SKAP2: variants seen among roughly 807,000 people sequenced by gnomAD.
The protein encoded by SKAP2 is src kinase associated phosphoprotein 2.
SKAP2 carries 28 observed loss-of-function variants against 54.9 expected under a neutral mutation model. The observed-to-expected ratio is 0.51, with a 90% confidence interval of 0.38 to 0.70. The LOEUF is 0.70. SKAP2 is among the 30% of genes least tolerant of loss of function. The pLI is 0.00. For synonymous variants in SKAP2, 137 were observed against 134.3 expected (o/e 1.02, Z -0.14); for missense variants, 356 against 424.1 (o/e 0.84, Z 1.41).
intron 11 of SKAP2, among the ~76,000 whole-genome samples, chr7:26,682,438 T>A (rs1242660615): frequency 1.3e-5 from 2 of 152,196 alleles, no homozygotes; most frequent in Non-Finnish European, 2.9e-5. Flanking sequence ...TTCTCCTTTT[T>A]ATCCTCACCA....
chr7:26,784,314 A>C (rs909291926), intron 4 of SKAP2, among the ~76,000 whole-genome samples: 3 of 152,174 alleles, frequency 2.0e-5, no homozygotes, highest in Non-Finnish European at 4.4e-5. Flanking sequence ...ACCTATTGTC[A>C]GTTAATTTGA....
chr7:26,799,114 A>ACAAGGCAAGG lies in SKAP2; in HGVS notation c.307+44906_307+44915dup, dbSNP rs111943470. Reference sequence around the variant, plus strand: ...GCAGGGCAAGGCAAGGCAAGGCAAGACAAGGCAAGGCAAGGCAAGGCAAGG... The same window carrying ACAAGGCAAGG: ...GCAGGGCAAGGCAAGGCAAGGCAAGACAAGGCAAGGCAAGGCAAGGCAAGGCAAGGCAAGG... On this transcript the variant is annotated intron_variant, in intron 4 of 12. Coordinates refer to ENST00000345317, the MANE Select transcript of SKAP2 (RefSeq NM_003930.5). Among the ~76,000 whole-genome samples the ACAAGGCAAGG allele has an allele frequency of 6.7e-5, 10 of 148,764 alleles. No homozygotes were observed. The East Asian group carries it at 7.9e-4, about 12-fold the overall frequency.
intron 4 of SKAP2, among the ~76,000 whole-genome samples, chr7:26,771,786 G>A (rs1379279296): frequency 6.6e-6 from 1 of 152,084 alleles, no homozygotes; most frequent in South Asian, 2.1e-4. Flanking sequence ...AAAATAAAAT[G>A]GTCAAAGTAA....
intron 4 of SKAP2, among the ~76,000 whole-genome samples, chr7:26,777,482 A>G (rs1783336475): frequency 6.6e-6 from 1 of 152,130 alleles, no homozygotes; most frequent in Non-Finnish European, 1.5e-5. Context: ...AGGATCCTCA[A>G]TTATTTAGTT....
intron 4 of SKAP2, among the ~76,000 whole-genome samples, chr7:26,816,645 G>C (rs149720266): frequency 4.7e-4 from 72 of 152,080 alleles, no homozygotes; most frequent in Admixed American, 1.4e-3. Flanking sequence ...TAATATATTA[G>C]TAATTACACT....
intron 4 of SKAP2, among the ~76,000 whole-genome samples, chr7:26,777,486 T>C (rs1420558518): frequency 4.6e-5 from 7 of 152,154 alleles, no homozygotes; most frequent in East Asian, 1.9e-4. Context: ...TCCTCAATTA[T>C]TTAGTTTTAA....
intron 5 of SKAP2, 65 bp downstream of exon 5, chr7:26,739,822 C>T: frequency 8.5e-7 from 1 of 1,169,942 alleles, no homozygotes; most frequent in African/African-American, 1.5e-5. Context: ...CACATGTATA[C>T]TACAAACATG....
At chr7:26,853,840 G>A (rs1022729791) in intron 3 of SKAP2, among the ~76,000 whole-genome samples, 3 of 152,088 alleles carry the variant, frequency 2.0e-5, no homozygotes, top group Admixed American at 6.6e-5. Context: ...GTAATTGCAC[G>A]TTTTTACCTT....
intron 1 of SKAP2, chr7:26,858,045 C>T (rs1785209465): frequency 6.6e-6 from 1 of 152,160 alleles, no homozygotes; most frequent in Admixed American, 6.5e-5. Context: ...GACCCTTAGC[C>T]CGGTTTTTAG....
intron 4 of SKAP2, among the ~76,000 whole-genome samples, chr7:26,825,571 G>T (rs1584412278): frequency 1.4e-5 from 1 of 71,104 alleles, no homozygotes. Flanking sequence ...TGGCCAAACA[G>T]CAAACAGTTA....
intron 9 of SKAP2, among the ~76,000 whole-genome samples, chr7:26,722,192 T>A (rs1476099173): frequency 6.6e-6 from 1 of 152,154 alleles, no homozygotes; most frequent in Non-Finnish European, 1.5e-5. Flanking sequence ...TATGTATAAA[T>A]CCCTTAAACA....
chr7:26,706,375 G>C (rs1367592287), intron 9 of SKAP2, among the ~76,000 whole-genome samples: 1 of 151,704 alleles, frequency 6.6e-6, no homozygotes, highest in Non-Finnish European at 1.5e-5. Flanking sequence ...TAATATCTAT[G>C]TTTTTTTTAT....
chr7:26,810,830 C>T (rs530085343), intron 4 of SKAP2, among the ~76,000 whole-genome samples: 68 of 152,146 alleles, frequency 4.5e-4, no homozygotes, highest in African/African-American at 3.6e-4. Context: ...TACAGGCACA[C>T]GCCACCATGC....
chr7:26,713,196 G>C (rs555887839), intron 9 of SKAP2, among the ~76,000 whole-genome samples: 5 of 152,124 alleles, frequency 3.3e-5, no homozygotes, highest in Non-Finnish European at 5.9e-5. Context: ...AAAGTGCTTC[G>C]TTTGGCTTTT....
intron 1 of SKAP2, chr7:26,857,453 G>T (rs1481210505): frequency 1.0e-6 from 1 of 984,576 alleles, no homozygotes; most frequent in Non-Finnish European, 1.2e-6. Context: ...CACTTTACCC[G>T]TTTCTTTTAG....
intron 4 of SKAP2, among the ~76,000 whole-genome samples, chr7:26,815,692 A>T (rs1400227086): frequency 6.6e-6 from 1 of 152,126 alleles, no homozygotes; most frequent in East Asian, 1.9e-4. Context: ...ATGATGGAGG[A>T]TAAATCAATT....
chr7:26,700,842 A>T (rs2237328), intron 9 of SKAP2, among the ~76,000 whole-genome samples: 86,657 of 152,076 alleles, frequency 0.57, 25,159 homozygotes, highest in East Asian at 0.88. Context: ...AGTCTTTCTC[A>T]TCCTTCATGT....
At chr7:26,728,971 G>A (rs1243721113) in intron 6 of SKAP2, among the ~76,000 whole-genome samples, 3 of 151,724 alleles carry the variant, frequency 2.0e-5, no homozygotes, top group Non-Finnish European at 4.4e-5. Flanking sequence ...AATGCAGGTG[G>A]AAATGCATGA....
At chr7:26,799,909 G>A (rs796138849) in intron 4 of SKAP2, among the ~76,000 whole-genome samples, 3 of 151,998 alleles carry the variant, frequency 2.0e-5, no homozygotes, top group African/African-American at 7.2e-5. Context: ...ACGAGGTCAG[G>A]AGATAGAGAC....
Sources: gnomAD v4.1 joint callset for allele counts (sites outside exome capture counted in the v4.1 genomes callset) on GRCh38, gnomAD v4.1.1 for gene constraint, MANE v1.5 for transcripts, NCBI Gene and HGNC (gene_info 2026-07-23, HGNC 2026-07-21) for gene names.